Variants in EXT1 observed in about 807,000 individuals in gnomAD.
EXT1 encodes the protein exostosin glycosyltransferase 1.
Under a neutral mutation model 82.5 loss-of-function variants are expected in EXT1, and 20 were observed. That is an observed-to-expected ratio of 0.24 (90% confidence interval 0.17 to 0.35). EXT1 has a LOEUF of 0.35. EXT1 is among the 10% of genes least tolerant of loss of function. The probability of loss-of-function intolerance (pLI) is 1.00; values close to 1 mark genes in which losing one functional copy is unlikely to be tolerated. For synonymous variants in EXT1, 348 were observed against 350.8 expected (o/e 0.99, Z 0.09); for missense variants, 757 against 936.5 (o/e 0.81, Z 2.50).
chr8:117,816,083 T>C (rs2129730205), intron 7 of EXT1, among the ~76,000 whole-genome samples: 1 of 152,158 alleles, frequency 6.6e-6, no homozygotes, highest in South Asian at 2.1e-4. Context: ...ATAGTTAAGA[T>C]TTATTGAGTA....
intron 1 of EXT1, among the ~76,000 whole-genome samples, chr8:117,941,538 G>A (rs1814272568): frequency 1.3e-5 from 2 of 152,192 alleles, no homozygotes; most frequent in South Asian, 4.1e-4. Context: ...ACTTTGCAAA[G>A]TAGTCAGGAA....
chr8:117,868,509 T>C (rs1327901744), intron 1 of EXT1, among the ~76,000 whole-genome samples: 2 of 152,148 alleles, frequency 1.3e-5, no homozygotes, highest in Non-Finnish European at 2.9e-5. Flanking sequence ...CAGAGTGGAG[T>C]GGCACAATCA....
At chr8:117,842,160 A>G (rs1197544484) in intron 1 of EXT1, among the ~76,000 whole-genome samples, 1 of 152,230 alleles carries the variant, frequency 6.6e-6, no homozygotes. Context: ...CTTAGTGGTT[A>G]GGCAGCTTCA....
rs909037900 is a variant in EXT1 at position 117,815,243 on chromosome 8, C to T, written c.1633-2282G>A. Reference sequence around the variant, plus strand: ...CCACAGGGGAAAACTGCAAAGACAACGCCTATAAATTCAAAACAGAATTTT... The same window carrying T: ...CCACAGGGGAAAACTGCAAAGACAATGCCTATAAATTCAAAACAGAATTTT... On this transcript the variant is annotated intron_variant, in intron 7 of 10. Transcript: ENST00000378204. Among the ~76,000 whole-genome samples, 20 of 152,288 alleles carry T rather than the reference C, an allele frequency of 1.3e-4. No individual in the cohort carries two copies. The South Asian group carries it at 2.1e-3, about 16-fold the overall frequency.
Position 118,098,393 on chromosome 8 carries a change from A to T in EXT1, c.962+11692T>A, listed in dbSNP as rs560958664. On this transcript the variant is annotated intron_variant, in intron 1 of 10. Transcript: ENST00000378204. ...GGCAGGCAGGGCCAGCCCTAGCCCT[A>T]GGCTAGCTACTCTCTTTACCTGAGC... is the stretch of plus-strand genomic sequence containing the variant. Among the ~76,000 whole-genome samples, 24 of 152,160 alleles carry T rather than the reference A, an allele frequency of 1.6e-4. No homozygotes were observed. In the East Asian group the frequency reaches 4.3e-3, roughly 27 times the overall value.
rs553770143 is a variant in EXT1, at chr8:117,803,321, A to AGTAAGCT, written c.2055+1394_2055+1400dup. 1.6e-3 allele frequency among the ~76,000 whole-genome samples: 236 copies of AGTAAGCT among 152,130 alleles called. 1 individual carries two copies. The highest frequency in any genetic ancestry group is 4.6e-4 in the Non-Finnish European group (31 of 68,012). ...GCAATTCTCGTGCCTCAGCCACCCG[A>AGTAAGCT]GTAAGCTGGGATTACAAGCGTGCAC... On this transcript the variant is annotated intron_variant, in intron 10 of 10. Coordinates refer to ENST00000378204, the MANE Select transcript of EXT1 (RefSeq NM_000127.3).
chr8:118,055,594 T>A (rs1252883538), intron 1 of EXT1, among the ~76,000 whole-genome samples: 1 of 152,230 alleles, frequency 6.6e-6, no homozygotes, highest in Non-Finnish European at 1.5e-5. Flanking sequence ...TTTGAATGCA[T>A]ACCAGGGCAT....
intron 1 of EXT1, among the ~76,000 whole-genome samples, chr8:117,909,521 T>C (rs1042221066): frequency 2.0e-5 from 3 of 152,218 alleles, no homozygotes; most frequent in Non-Finnish European, 4.4e-5. Flanking sequence ...TATGTATTTT[T>C]TTGTTCCCAT....
Position 118,081,228 on chromosome 8 carries a change from T to C in EXT1, c.962+28857A>G, listed in dbSNP as rs1033361339. Among the ~76,000 whole-genome samples the C allele has an allele frequency of 5.3e-5, 8 of 152,200 alleles. No homozygotes were observed. In the East Asian group the frequency reaches 1.5e-3, roughly 29 times the overall value. On this transcript the variant is annotated intron_variant, in intron 1 of 10. Transcript: ENST00000378204. ...ACCATTTCCCCAAGCCTTGAAGTTC[T>C]CACTAGGTCATGCAGGTAACCAGAT...
At chr8:117,870,521 C>A (rs1231753712) in intron 1 of EXT1, among the ~76,000 whole-genome samples, 1 of 149,820 alleles carries the variant, frequency 6.7e-6, no homozygotes, top group Non-Finnish European at 1.5e-5. Flanking sequence ...CTTGGGTGCA[C>A]CATTTGTTTC....
intron 9 of EXT1, among the ~76,000 whole-genome samples, 176 bp from the exon 10 acceptor site, chr8:117,805,069 G>C (rs1169055475): frequency 6.6e-6 from 1 of 152,104 alleles, no homozygotes; most frequent in Non-Finnish European, 1.5e-5. Flanking sequence ...TTATATACCA[G>C]ATATTGTTCT....
At chr8:118,009,122 G>A (rs1815842470) in intron 1 of EXT1, among the ~76,000 whole-genome samples, 1 of 152,192 alleles carries the variant, frequency 6.6e-6, no homozygotes, top group African/African-American at 2.4e-5. Context: ...GAGGTTGAAG[G>A]TGTCCCAGAA....
chr8:117,897,258 G>A (rs1391501465), intron 1 of EXT1, among the ~76,000 whole-genome samples: 17 of 152,188 alleles, frequency 1.1e-4, no homozygotes, highest in Admixed American at 8.5e-4. Flanking sequence ...GGCACAGAGC[G>A]TGCACATTGT....
At chr8:117,938,709 T>A (rs528298307) in intron 1 of EXT1, among the ~76,000 whole-genome samples, 1 of 152,166 alleles carries the variant, frequency 6.6e-6, no homozygotes. Flanking sequence ...TTCTTTACAA[T>A]GGTAAAAAGG....
intron 1 of EXT1, among the ~76,000 whole-genome samples, chr8:118,000,011 A>G (rs1234178775): frequency 1.3e-5 from 2 of 152,080 alleles, no homozygotes; most frequent in African/African-American, 4.8e-5. Flanking sequence ...TTATACACAC[A>G]TACACACACA....
chr8:118,088,111 C>A (rs1202681279), intron 1 of EXT1, among the ~76,000 whole-genome samples: 1 of 152,092 alleles, frequency 6.6e-6, no homozygotes, highest in African/African-American at 2.4e-5. Flanking sequence ...GGCTGCTGCA[C>A]TGAAAACATT....
Position 117,968,707 on chromosome 8 carries a change from C to G in EXT1, c.963-131506G>C, listed in dbSNP as rs1752938846. ...GCCTCAGCCTCCCGAGTAGCTGGGACTATAGGCGCCCACCACGACGCCCGG... is the reference window on the plus strand; with the variant it reads ...GCCTCAGCCTCCCGAGTAGCTGGGAGTATAGGCGCCCACCACGACGCCCGG... On this transcript the variant is annotated intron_variant, in intron 1 of 10. Transcript: ENST00000378204. Among the ~76,000 whole-genome samples, 2 of 103,522 alleles carry G rather than the reference C, an allele frequency of 1.9e-5. 1 individual carries two copies. The highest frequency in any genetic ancestry group is 1.3e-4 in the African/African-American group (2 of 14,912). 67.9% of individuals were successfully genotyped at this position (103,522 alleles called of 152,430 possible). A position where few individuals can be genotyped will look rare whatever the true frequency, so the allele number is the denominator to read the frequency against.
chr8:117,969,121 C>CG (rs1260601125), intron 1 of EXT1, among the ~76,000 whole-genome samples: 1 of 152,146 alleles, frequency 6.6e-6, no homozygotes, highest in Non-Finnish European at 1.5e-5. Flanking sequence ...CCAAAAGCCT[C>CG]GGGGCAGGGT....
chr8:117,882,869 C>T (rs1157897999), intron 1 of EXT1, among the ~76,000 whole-genome samples: 8 of 150,568 alleles, frequency 5.3e-5, no homozygotes, highest in South Asian at 4.2e-4. Flanking sequence ...CCCAGCTACT[C>T]GGGAGGCTGA....
Sources: allele counts gnomAD v4.1 joint callset (sites outside exome capture counted in the v4.1 genomes callset), GRCh38; gene constraint gnomAD v4.1.1; transcripts MANE v1.5; gene names NCBI Gene and HGNC (gene_info 2026-07-23, HGNC 2026-07-21).